COL6A5: variants seen among roughly 807,000 people sequenced by gnomAD.
COL6A5 encodes collagen alpha-5(VI) chain.
Under a neutral mutation model 65.6 loss-of-function variants are expected in COL6A5, and 48 were observed. That is an observed-to-expected ratio of 0.73 (90% confidence interval 0.58 to 0.93). The LOEUF is 0.93. Ranked by LOEUF, COL6A5 falls within the 40% of genes least tolerant of loss-of-function variation. COL6A5 has a pLI of 0.00. For missense variants in COL6A5, 914 were observed against 928.3 expected, an observed-to-expected ratio of 0.98 and a Z score of 0.20; for synonymous variants, 291 against 322.8, an observed-to-expected ratio of 0.90 and a Z score of 1.05.
At chr3:130,408,937 ATTAT>A (rs1658232804) in intron 17 of COL6A5, among the ~76,000 whole-genome samples, 1 of 152,212 alleles carries the variant, frequency 6.6e-6, no homozygotes, top group South Asian at 2.1e-4. Flanking sequence ...ACCACATGTG[ATTAT>A]TTAAAGTTTA....
At chr3:130,358,114 G>A (rs1934986552) in intron 1 of COL6A5, among the ~76,000 whole-genome samples, 2 of 152,184 alleles carry the variant, frequency 1.3e-5, no homozygotes, top group South Asian at 4.2e-4. Context: ...GCGTGAACCT[G>A]GGAGGCGGAG....
chr3:130,466,694 A>T (rs73868675), intron 5 of COL6A5, among the ~76,000 whole-genome samples: 1,830 of 152,092 alleles, frequency 0.012, 38 homozygotes, highest in African/African-American at 0.041. Flanking sequence ...CTTTGAGAAG[A>T]TCAATAAAAT....
chr3:130,440,757 G>C lies in COL6A5; in HGVS notation c.1175G>C (p.Gly392Ala), dbSNP rs148781028. 2.8e-3 allele frequency: 4,487 copies of C among 1,613,316 alleles called. 19 individuals carry two copies. The highest frequency in any genetic ancestry group is 3.5e-3 in the Non-Finnish European group (4,107 of 1,179,608). ...CTTGATCAACACCTGATACAGCTTGGGAGAATACATAAACCAGATCTGAAT... is the reference window on the plus strand; with the variant it reads ...CTTGATCAACACCTGATACAGCTTGCGAGAATACATAAACCAGATCTGAAT... Residue 392 changes from glycine to alanine, a missense_variant, in exon 3 of 8, where the codon GGG (glycine) becomes GCG (alanine). Transcript: ENST00000512836.
chr3:130,385,679 G>GTGTA (rs1234551707), intron 5 of COL6A5, among the ~76,000 whole-genome samples: 2 of 152,048 alleles, frequency 1.3e-5, no homozygotes, highest in Admixed American at 6.6e-5. Context: ...GTGTGTGTGT[G>GTGTA]TGTATGTATG....
upstream of COL6A5, among the ~76,000 whole-genome samples, chr3:130,428,915 C>G (rs184463444): frequency 6.6e-6 from 1 of 152,192 alleles, no homozygotes; most frequent in East Asian, 1.9e-4. Flanking sequence ...TCCTAGGAAT[C>G]GAGTGAAATG....
At chr3:130,381,245 T>C (rs1294303259) in intron 4 of COL6A5, among the ~76,000 whole-genome samples, 1 of 152,126 alleles carries the variant, frequency 6.6e-6, no homozygotes, top group African/African-American at 2.4e-5. Context: ...AAAATGGATA[T>C]TGGAGATAAC....
chr3:130,458,479 T>C (rs1490504744), intron 5 of COL6A5, among the ~76,000 whole-genome samples: 1 of 152,142 alleles, frequency 6.6e-6, no homozygotes, highest in Non-Finnish European at 1.5e-5. Flanking sequence ...GCACTTGTCC[T>C]AGACTACTGA....
At chr3:130,480,762 C>A (rs748555845) in intron 7 of COL6A5, among the ~76,000 whole-genome samples, 1 of 151,224 alleles carries the variant, frequency 6.6e-6, no homozygotes, top group Non-Finnish European at 1.5e-5. Context: ...TTAAAGACAA[C>A]TAGGCTGGAA....
rs529811832 is a variant in COL6A5 at position 130,446,632 on chromosome 3, C to T, written c.1332+3066C>T. 4.8e-4 allele frequency among the ~76,000 whole-genome samples: 73 copies of T among 152,180 alleles called. 1 individual carries two copies. Among genetic ancestry groups the T allele is most frequent in the South Asian group, 1.9e-3 (9 of 4,816 alleles). ...TGTGGAGTCGGCACAGATCTCACCA[C>T]GTCTGAGGGCAGTCTCTGACACAGA... On this transcript the variant is annotated intron_variant, in intron 4 of 7. Coordinates refer to ENST00000512836, the Ensembl canonical transcript of COL6A5.
At chr3:130,379,760 G>A (rs1274091011) in exon 4 of COL6A5, 2 of 1,551,364 alleles carry the variant, frequency 1.3e-6, no homozygotes, top group Non-Finnish European at 1.7e-6. Context: ...AGAGCACAAG[G>A]AGTGCCTCAG....
intron 5 of COL6A5, among the ~76,000 whole-genome samples, chr3:130,467,879 C>T (rs1709855149): frequency 6.6e-6 from 1 of 152,016 alleles, no homozygotes; most frequent in Non-Finnish European, 1.5e-5. Context: ...CACAAATTCA[C>T]TTCTTTCATA....
chr3:130,443,346 C>A (rs1161815599), intron 3 of COL6A5, 130 bp from the exon 36 acceptor site: 3 of 617,822 alleles, frequency 4.9e-6, no homozygotes, highest in Non-Finnish European at 8.5e-6. Flanking sequence ...CTGTTTTCAC[C>A]CCAGCCAAAT....
intron 4 of COL6A5, among the ~76,000 whole-genome samples, chr3:130,444,531 C>T (rs1018456612): frequency 2.0e-5 from 3 of 152,140 alleles, no homozygotes; most frequent in Non-Finnish European, 2.9e-5. Context: ...CCGGTCCCTC[C>T]GTTTGGGGTC....
At chr3:130,434,803 A>G (rs1289358359) in intron 1 of COL6A5, among the ~76,000 whole-genome samples, 1 of 151,884 alleles carries the variant, frequency 6.6e-6, no homozygotes, top group African/African-American at 2.4e-5. Flanking sequence ...TTTTTCTTGC[A>G]AATATGTTTA....
chr3:130,350,973 C>T (rs1291599787), intron 1 of COL6A5, among the ~76,000 whole-genome samples: 1 of 152,078 alleles, frequency 6.6e-6, no homozygotes, highest in Non-Finnish European at 1.5e-5. Flanking sequence ...AGATATAGAC[C>T]AATGGAACAG....
intron 7 of COL6A5, among the ~76,000 whole-genome samples, chr3:130,392,889 A>G (rs570662187): frequency 3.0e-4 from 46 of 152,244 alleles, no homozygotes; most frequent in Middle Eastern, 6.8e-3. Flanking sequence ...AAGGAAAATT[A>G]TGATTTTTCC....
exon 9 of COL6A5, chr3:130,397,864 G>A (rs766782039): frequency 3.2e-6 from 5 of 1,551,550 alleles, no homozygotes; most frequent in Admixed American, 2.0e-5. Flanking sequence ...TCATCTGAAC[G>A]CACAGTTCTT....
At chr3:130,363,698 G>T (rs1935223278) in intron 1 of COL6A5, among the ~76,000 whole-genome samples, 1 of 152,176 alleles carries the variant, frequency 6.6e-6, no homozygotes, top group Non-Finnish European at 1.5e-5. Context: ...TTTACTGTGA[G>T]AGTTTGATAG....
intron 21 of COL6A5, 106 bp downstream of exon 21, chr3:130,413,686 A>T: frequency 8.6e-7 from 1 of 1,165,138 alleles, no homozygotes; most frequent in Non-Finnish European, 1.3e-6. Flanking sequence ...ACAAGGGTAT[A>T]GGAAGTGCCC....
Sources: allele counts gnomAD v4.1 joint callset (sites outside exome capture counted in the v4.1 genomes callset), GRCh38; gene constraint gnomAD v4.1.1; transcripts MANE v1.5; gene names NCBI Gene and HGNC (gene_info 2026-07-23, HGNC 2026-07-21).